The following MSRB3 variants were observed in gnomAD, a reference collection of about 807,000 sequenced individuals.
MSRB3 encodes the protein methionine sulfoxide reductase B3.
MSRB3 carries 13 observed loss-of-function variants against 21.0 expected under a neutral mutation model. The ratio of observed to expected loss-of-function variants is 0.62; its 90% CI spans 0.40 to 0.98. The LOEUF (loss-of-function observed/expected upper bound fraction) is 0.98, where lower values mean the gene tolerates loss of function less well. MSRB3 is among the 50% of genes least tolerant of loss of function. The probability of loss-of-function intolerance (pLI) is 0.00; values close to 1 mark genes in which losing one functional copy is unlikely to be tolerated. For missense variants in MSRB3, 199 were observed against 230.3 expected, an observed-to-expected ratio of 0.86 and a Z score of 0.88; for synonymous variants, 87 against 88.6, an observed-to-expected ratio of 0.98 and a Z score of 0.10.
intron 4 of MSRB3, among the ~76,000 whole-genome samples, chr12:65,336,105 G>A (rs923376414): frequency 1.3e-5 from 2 of 152,168 alleles, no homozygotes; most frequent in Non-Finnish European, 2.9e-5. Context: ...TATAGGAAAA[G>A]TATTTGTAAT....
chr12:65,403,701 A>G (rs971878634), intron 5 of MSRB3, among the ~76,000 whole-genome samples: 1 of 152,126 alleles, frequency 6.6e-6, no homozygotes, highest in African/African-American at 2.4e-5. Flanking sequence ...ATGGCCACCC[A>G]GTTTTGTGCT....
intron 5 of MSRB3, among the ~76,000 whole-genome samples, chr12:65,387,773 G>A (rs1450041923): frequency 6.6e-6 from 1 of 151,956 alleles, no homozygotes; most frequent in Non-Finnish European, 1.5e-5. Flanking sequence ...CAAAGTGCTT[G>A]GTATACATTA....
chr12:65,284,059 A>T (rs1039642461), intron 1 of MSRB3: 1 of 152,354 alleles, frequency 6.6e-6, no homozygotes, highest in Non-Finnish European at 1.5e-5. Context: ...ACCAGATCAG[A>T]TAGAGAGGAC....
At chr12:65,408,275 A>G (rs11175753) in intron 5 of MSRB3, among the ~76,000 whole-genome samples, 99,306 of 151,838 alleles carry the variant, frequency 0.65, 32,597 homozygotes, top group Admixed American at 0.72. Flanking sequence ...TTGTACTTTT[A>G]GTTGAGATGG....
chr12:65,422,516 C>T (rs866057260), intron 5 of MSRB3, among the ~76,000 whole-genome samples: 21 of 144,988 alleles, frequency 1.4e-4, no homozygotes, highest in African/African-American at 5.3e-4. Context: ...ATGGGGTATC[C>T]ATCACCTCAT....
At chr12:65,459,322 C>A (rs771742916) in intron 6 of MSRB3, among the ~76,000 whole-genome samples, 60 of 152,112 alleles carry the variant, frequency 3.9e-4, no homozygotes, top group Non-Finnish European at 7.8e-4. Context: ...TTGGTAAAAA[C>A]CCCAAACCTT....
intron 4 of MSRB3, among the ~76,000 whole-genome samples, chr12:65,336,557 T>G (rs1875775891): frequency 6.6e-6 from 1 of 152,180 alleles, no homozygotes; most frequent in East Asian, 1.9e-4. Context: ...TGGATTACAT[T>G]TTTCACAGTG....
At chr12:65,356,444 C>G (rs578236068) in intron 4 of MSRB3, among the ~76,000 whole-genome samples, 2 of 151,646 alleles carry the variant, frequency 1.3e-5, no homozygotes. Context: ...AAAGTTTATA[C>G]AATGTGAGGG....
chr12:65,452,305 T>C (rs1882891301), intron 5 of MSRB3, among the ~76,000 whole-genome samples: 1 of 152,186 alleles, frequency 6.6e-6, no homozygotes, highest in African/African-American at 2.4e-5. Context: ...TAAATGACTT[T>C]ATTTTTCAAT....
chr12:65,366,981 G>A (rs938469999), intron 4 of MSRB3, among the ~76,000 whole-genome samples: 14 of 152,218 alleles, frequency 9.2e-5, no homozygotes, highest in African/African-American at 3.4e-4. Flanking sequence ...AGGAGGAGGG[G>A]AAGTGACAGA....
intron 1 of MSRB3, among the ~76,000 whole-genome samples, chr12:65,305,855 T>C (rs1873622427): frequency 6.6e-6 from 1 of 152,200 alleles, no homozygotes; most frequent in African/African-American, 2.4e-5. Context: ...GCTTGTTAAC[T>C]CTAAGAAGGA....
intron 1 of MSRB3, among the ~76,000 whole-genome samples, chr12:65,281,472 G>A (rs1872016544): frequency 1.3e-5 from 2 of 152,140 alleles, no homozygotes; most frequent in Admixed American, 1.3e-4. Flanking sequence ...GCCTACCTTA[G>A]CCAGATGTGA....
intron 5 of MSRB3, chr12:65,419,691 A>G: frequency 1.3e-6 from 1 of 752,778 alleles, no homozygotes; most frequent in Non-Finnish European, 2.4e-6. Context: ...CCCAGATTTT[A>G]CTCTCCACCT....
At chr12:65,319,148 G>T (rs1236559651) in intron 2 of MSRB3, among the ~76,000 whole-genome samples, 1 of 152,078 alleles carries the variant, frequency 6.6e-6, no homozygotes. Flanking sequence ...GTAAGAAAAT[G>T]TTTGCACATT....
chr12:65,396,749 A>AAAGAAAGAAAGAAAGAAAGG (rs1565872372), intron 5 of MSRB3, among the ~76,000 whole-genome samples: 2 of 149,768 alleles, frequency 1.3e-5, no homozygotes, highest in Admixed American at 6.6e-5. Context: ...AGAAAGAAAG[A>AAAGAAAGAAAGAAAGAAAGG]AAGAAAACCC....
At chr12:65,422,545 A>G (rs1462221870) in intron 5 of MSRB3, among the ~76,000 whole-genome samples, 1 of 150,816 alleles carries the variant, frequency 6.6e-6, no homozygotes. Context: ...CCTTTGTGTT[A>G]GAAACAATCC....
chr12:65,455,740 GT>G (rs199680792), intron 6 of MSRB3, among the ~76,000 whole-genome samples: 2 of 151,612 alleles, frequency 1.3e-5, no homozygotes, highest in Non-Finnish European at 2.9e-5. Context: ...ATAGTTTGGG[GT>G]TTTTTTTGTT....
intron 5 of MSRB3, among the ~76,000 whole-genome samples, chr12:65,408,418 A>G (rs759202902): frequency 2.6e-5 from 4 of 152,042 alleles, no homozygotes; most frequent in Non-Finnish European, 4.4e-5. Flanking sequence ...GCTGAATTTG[A>G]TATACTGGAT....
chr12:65,306,208 T>C (rs1873645053), intron 1 of MSRB3, among the ~76,000 whole-genome samples: 1 of 152,232 alleles, frequency 6.6e-6, no homozygotes, highest in African/African-American at 2.4e-5. Flanking sequence ...TAAAGTGTTT[T>C]ATTTTATTTA....
Sources: allele counts gnomAD v4.1 joint callset (sites outside exome capture counted in the v4.1 genomes callset), GRCh38; gene constraint gnomAD v4.1.1; transcripts MANE v1.5; gene names NCBI Gene and HGNC (gene_info 2026-07-23, HGNC 2026-07-21).